NCOA6: variants seen among roughly 807,000 people sequenced by gnomAD.
NCOA6 encodes the protein NRC RAP250.
A neutral mutation model predicts 171.4 loss-of-function variants in NCOA6; 49 were observed. The ratio of observed to expected loss-of-function variants is 0.29; its 90% CI spans 0.23 to 0.36. The LOEUF is 0.36. Ranked by LOEUF, NCOA6 falls within the 10% of genes least tolerant of loss-of-function variation. NCOA6 has a pLI of 1.00. For synonymous variants in NCOA6, 910 were observed against 927.5 expected (o/e 0.98, Z 0.34); for missense variants, 2,248 against 2,554.5 (o/e 0.88, Z 2.59).
At chr20:34,746,383 G>A (rs892565844) in intron 10 of NCOA6, among the ~76,000 whole-genome samples, 5 of 151,970 alleles carry the variant, frequency 3.3e-5, no homozygotes, top group Non-Finnish European at 7.4e-5. Context: ...GGGACTATAG[G>A]TGCGTGTCAC....
chr20:34,749,292 G>T (rs2076397946), intron 9 of NCOA6, 111 bp downstream of exon 9: 3 of 1,247,222 alleles, frequency 2.4e-6, no homozygotes, highest in Admixed American at 4.6e-5. Flanking sequence ...TTGAAGCAGG[G>T]GGATTTCATT....
chr20:34,797,917 C>CA (rs1438356413), intron 1 of NCOA6, among the ~76,000 whole-genome samples: 1 of 152,064 alleles, frequency 6.6e-6, no homozygotes, highest in African/African-American at 2.4e-5. Context: ...AGCTACAAGA[C>CA]AAAGTTCCCT....
intron 4 of NCOA6, among the ~76,000 whole-genome samples, chr20:34,771,700 G>C (rs2077156078): frequency 1.3e-5 from 2 of 152,098 alleles, no homozygotes. Context: ...AGGCACACAA[G>C]GCTGCTTCTC....
At chr20:34,729,809 T>C (rs567315478) in intron 13 of NCOA6, among the ~76,000 whole-genome samples, 14 of 152,202 alleles carry the variant, frequency 9.2e-5, no homozygotes, top group Non-Finnish European at 1.9e-4. Flanking sequence ...TGTTCACTCC[T>C]GCCAGAGGAC....
At chr20:34,818,004 GA>G (rs2078896671) in intron 1 of NCOA6, among the ~76,000 whole-genome samples, 1 of 152,180 alleles carries the variant, frequency 6.6e-6, no homozygotes, top group South Asian at 2.1e-4. Flanking sequence ...CAGAGATTAG[GA>G]AGGCAGGCTT....
intron 1 of NCOA6, among the ~76,000 whole-genome samples, chr20:34,818,927 C>T (rs1348740482): frequency 1.3e-5 from 2 of 152,224 alleles, no homozygotes; most frequent in Non-Finnish European, 2.9e-5. Flanking sequence ...TTTCATAAAG[C>T]TGGCCAGCTA....
intron 1 of NCOA6, among the ~76,000 whole-genome samples, chr20:34,795,354 A>T (rs575829326): frequency 6.6e-6 from 1 of 152,200 alleles, no homozygotes; most frequent in African/African-American, 2.4e-5. Context: ...CAACAATCAG[A>T]GTGAGACTCT....
intron 8 of NCOA6, among the ~76,000 whole-genome samples, chr20:34,753,896 C>T (rs1285950600): frequency 6.6e-6 from 1 of 152,166 alleles, no homozygotes; most frequent in Non-Finnish European, 1.5e-5. Context: ...AATTCAGAAA[C>T]TAGTTGCACT....
chr20:34,738,075 A>AT (rs919498932), intron 11 of NCOA6, among the ~76,000 whole-genome samples: 9 of 151,408 alleles, frequency 5.9e-5, no homozygotes, highest in Admixed American at 2.6e-4. Flanking sequence ...ATTTTTACAT[A>AT]TTTTTTTTGT....
intron 12 of NCOA6, 112 bp from the exon 13 acceptor site, chr20:34,732,707 A>T: frequency 1.2e-6 from 1 of 846,294 alleles, no homozygotes; most frequent in South Asian, 1.6e-5. Context: ...CCCTGTGCCC[A>T]GCAGGATTCT....
intron 8 of NCOA6, among the ~76,000 whole-genome samples, chr20:34,751,536 C>T (rs939604674): frequency 6.6e-6 from 1 of 151,976 alleles, no homozygotes; most frequent in African/African-American, 2.4e-5. Flanking sequence ...GAAAATAACA[C>T]CAAGGACAGG....
chr20:34,761,845 G>A (rs1217345542), intron 5 of NCOA6, among the ~76,000 whole-genome samples: 4 of 151,950 alleles, frequency 2.6e-5, no homozygotes, highest in South Asian at 2.1e-4. Context: ...TAGTAGAGAC[G>A]GGGTTTCACT....
rs552060664 is a variant in NCOA6, at chr20:34,740,968, A to G, written c.5288T>C (p.Val1763Ala). The G allele has an allele frequency of 6.2e-7, 1 of 1,614,084 alleles. No homozygotes were observed. The highest frequency in any genetic ancestry group is 1.3e-5 in the African/African-American group (1 of 75,004). The stretch of plus-strand genomic sequence containing the variant: ...AGCCTCATCTGGATTCAATTCTTTC[A>G]CTTGCTGCACAGGGGGATGAGAAGG... ...VVPSHPPVQQ[V>A]KELNPDEASP... The change falls in exon 11 of 15, where the codon GTG (valine) becomes GCG (alanine). Residue 1763 changes from valine (V) to alanine (A), a missense_variant. Around this residue, in one of 7 missense-constraint regions of NCOA6, gnomAD observed 884 missense variants for 941.9 expected, o/e 0.94. Transcript: ENST00000359003.
intron 10 of NCOA6, among the ~76,000 whole-genome samples, chr20:34,745,087 A>G (rs1245235066): frequency 6.6e-6 from 1 of 152,248 alleles, no homozygotes; most frequent in Admixed American, 6.5e-5. Flanking sequence ...CATAGTGCCC[A>G]TAACACAATC....
At chr20:34,788,513 C>G (rs1185068831) in intron 2 of NCOA6, among the ~76,000 whole-genome samples, 1 of 152,142 alleles carries the variant, frequency 6.6e-6, no homozygotes, top group African/African-American at 2.4e-5. Context: ...TGACATGGCA[C>G]ACTGGTGGAT....
Position 34,742,850 on chromosome 20 carries a change from T to C in NCOA6, c.3406A>G (p.Ser1136Gly), listed in dbSNP as rs1310518909. The C allele has an allele frequency of 2.5e-6, 4 of 1,614,112 alleles. No homozygotes were observed. The Admixed American group carries it at 5.0e-5, about 20-fold the overall frequency. ...GGGACAGATGGTGCTTCACTGCCACTTGCTTCAGGGAGTGAGGCCATCTCC... is the reference window on the plus strand; with the variant it reads ...GGGACAGATGGTGCTTCACTGCCACCTGCTTCAGGGAGTGAGGCCATCTCC... Reference protein sequence around the residue: ...LAEMASLPEASGSEAPSVPGG... With the variant: ...LAEMASLPEAGGSEAPSVPGG... Residue 1136 changes from serine (S) to glycine (G), a missense_variant, in exon 11 of 15, where the codon AGT becomes GGT. Ser to Gly is a moderately conservative substitution (Grantham distance 56). This residue lies in a region of NCOA6 where 352 missense variants were observed against 419.1 expected (regional missense o/e 0.84). Coordinates refer to ENST00000359003, the MANE Select transcript of NCOA6 (RefSeq NM_014071.5).
chr20:34,737,694 C>T (rs2075998981), intron 11 of NCOA6, among the ~76,000 whole-genome samples: 1 of 152,196 alleles, frequency 6.6e-6, no homozygotes, highest in African/African-American at 2.4e-5. Context: ...CACATCTTGA[C>T]ATCTCAGTCT....
rs771485971 is a variant in NCOA6 at position 34,742,266 on chromosome 20, G to A, written c.3990C>T (p.Arg1330=). Residue 1330 remains arginine (R), a synonymous_variant, in exon 11 of 15, where the codon CGC becomes CGT. Transcript: ENST00000359003. The part of the protein sequence containing the change: ...ATKRASPSNS[R]RSSPGSSRKT... Reference sequence around the variant, plus strand: ...TCCTACTGGACCCAGGACTAGACCTGCGACTGTTGCTTGGACTTGCCCGTT... The same window carrying A: ...TCCTACTGGACCCAGGACTAGACCTACGACTGTTGCTTGGACTTGCCCGTT... 1.9e-6 allele frequency: 3 copies of A among 1,614,244 alleles called. No individual in the cohort carries two copies. Among genetic ancestry groups the A allele is most frequent in the Non-Finnish European group, 1.7e-6 (2 of 1,180,048 alleles).
Position 34,741,468 on chromosome 20 carries a change from T to C in NCOA6, c.4788A>G (p.Gln1596=), listed in dbSNP as rs1269847929. 1.2e-6 allele frequency: 2 copies of C among 1,613,984 alleles called. No individual in the cohort carries two copies. Among genetic ancestry groups the C allele is most frequent in the Non-Finnish European group, 1.7e-6 (2 of 1,180,030 alleles). The part of the protein sequence containing the change: ...SSISTPLPPN[Q]ITVFVTSNPI... Reference sequence around the variant, plus strand: ...GATTGGAAGTGACAAATACAGTTATTTGATTTGGGGGCAAGGGAGTGGAAA... The same window carrying C: ...GATTGGAAGTGACAAATACAGTTATCTGATTTGGGGGCAAGGGAGTGGAAA... Residue 1596 remains glutamine, a synonymous_variant, in exon 11 of 15, where the codon CAA becomes CAG. Coordinates refer to ENST00000359003, the MANE Select transcript of NCOA6 (RefSeq NM_014071.5).
Sources: allele counts gnomAD v4.1 joint callset (sites outside exome capture counted in the v4.1 genomes callset), GRCh38; gene constraint gnomAD v4.1.1; regional missense constraint gnomAD v4.1.1; transcripts MANE v1.5; gene names NCBI Gene and HGNC (gene_info 2026-07-23, HGNC 2026-07-21).